The following MICAL2 variants were observed in gnomAD, a reference collection of about 807,000 sequenced individuals.
The protein encoded by MICAL2 is [F-actin]-monooxygenase MICAL2.
In MICAL2, 77 loss-of-function variants were observed where a neutral mutation model predicts 127.3. That is an observed-to-expected ratio of 0.60 (90% CI 0.50 to 0.73). The LOEUF is 0.73. Ranked by LOEUF, MICAL2 falls within the 30% of genes least tolerant of loss-of-function variation. MICAL2 has a pLI of 0.00. For missense variants in MICAL2, 1,351 were observed against 1,434.4 expected, an observed-to-expected ratio of 0.94 and a Z score of 0.94; for synonymous variants, 570 against 551.1, an observed-to-expected ratio of 1.03 and a Z score of -0.48.
At chr11:12,257,495 CA>C (rs551454579) in intron 24 of MICAL2, among the ~76,000 whole-genome samples, 67 of 152,306 alleles carry the variant, frequency 4.4e-4, no homozygotes, top group Non-Finnish European at 7.9e-4. Context: ...TAATTTTCAG[CA>C]CTTGACATTT....
chr11:12,251,544 A>C (rs1274714776), intron 22 of MICAL2, among the ~76,000 whole-genome samples: 2 of 145,020 alleles, frequency 1.4e-5, no homozygotes, highest in African/African-American at 5.1e-5. Flanking sequence ...GAGACCCAGT[A>C]CTGATTTCCT....
intron 2 of MICAL2, among the ~76,000 whole-genome samples, chr11:12,151,487 C>T (rs1853572330): frequency 6.6e-6 from 1 of 152,104 alleles, no homozygotes; most frequent in South Asian, 2.1e-4. Context: ...AGGGTAATGC[C>T]TCCTGCCTAA....
chr11:12,318,703 A>C (rs1864258457), intron 29 of MICAL2, among the ~76,000 whole-genome samples: 1 of 152,232 alleles, frequency 6.6e-6, no homozygotes, highest in South Asian at 2.1e-4. Flanking sequence ...CCTGATATTC[A>C]GTAATCAGAG....
chr11:12,266,122 T>C (rs1485330691), downstream of MICAL2, among the ~76,000 whole-genome samples: 2 of 151,722 alleles, frequency 1.3e-5, no homozygotes, highest in African/African-American at 4.8e-5. Context: ...AAAAAGAAAA[T>C]AATAAAAATT....
At chr11:12,285,451 G>T (rs879883538) in intron 2 of MICAL2, among the ~76,000 whole-genome samples, 2 of 152,194 alleles carry the variant, frequency 1.3e-5, no homozygotes, top group Admixed American at 1.3e-4. Context: ...TCTGGGGAAA[G>T]GGCTGTTATC....
intron 1 of MICAL2, among the ~76,000 whole-genome samples, chr11:12,277,374 A>G (rs1125742): frequency 0.28 from 43,030 of 151,996 alleles, 7,212 homozygotes; most frequent in East Asian, 0.7. Context: ...CAAGTGGGGA[A>G]TAGGCTGCTC....
chr11:12,290,163 G>T (rs1863878605), downstream of MICAL2, among the ~76,000 whole-genome samples: 1 of 152,226 alleles, frequency 6.6e-6, no homozygotes, highest in South Asian at 2.1e-4. Context: ...CTCGGCCTGA[G>T]CTGGGGCTTT....
intron 32 of MICAL2, among the ~76,000 whole-genome samples, chr11:12,334,332 T>G (rs919733772): frequency 2.6e-5 from 4 of 152,320 alleles, no homozygotes; most frequent in African/African-American, 9.6e-5. Context: ...GTAAATGTTG[T>G]GTAAATAGTT....
At chr11:12,314,849 A>T (rs1334556641) in intron 29 of MICAL2, among the ~76,000 whole-genome samples, 1 of 151,974 alleles carries the variant, frequency 6.6e-6, no homozygotes, top group East Asian at 1.9e-4. Context: ...TATATTTTAA[A>T]TCAATACATA....
intron 15 of MICAL2, among the ~76,000 whole-genome samples, chr11:12,234,402 G>A (rs1265787080): frequency 1.3e-5 from 2 of 152,164 alleles, no homozygotes; most frequent in Non-Finnish European, 2.9e-5. Flanking sequence ...GGGCTGGCAA[G>A]AGTAGCATTC....
At chr11:12,165,006 G>A (rs1855306995) in intron 3 of MICAL2, among the ~76,000 whole-genome samples, 1 of 152,028 alleles carries the variant, frequency 6.6e-6, no homozygotes, top group African/African-American at 2.4e-5. Flanking sequence ...AGGTGTGGTG[G>A]CAAGTGCCTG....
chr11:12,299,666 C>A (rs1035092835), intron 29 of MICAL2, among the ~76,000 whole-genome samples: 1 of 152,030 alleles, frequency 6.6e-6, no homozygotes, highest in Non-Finnish European at 1.5e-5. Flanking sequence ...TTTGCATAAA[C>A]GTTTTTATTG....
At chr11:12,235,871 G>A (rs1858979707) in intron 15 of MICAL2, among the ~76,000 whole-genome samples, 1 of 152,162 alleles carries the variant, frequency 6.6e-6, no homozygotes, top group African/African-American at 2.4e-5. Context: ...TATGTCACCG[G>A]GATTCTTTTT....
chr11:12,345,379 A>G (rs1938938025), intron 32 of MICAL2, among the ~76,000 whole-genome samples: 1 of 152,202 alleles, frequency 6.6e-6, no homozygotes, highest in Admixed American at 6.5e-5. Flanking sequence ...GGATGACACC[A>G]GTTTGGTGCA....
chr11:12,239,565 A>T lies in MICAL2; in HGVS notation c.2194A>T (p.Asn732Tyr). 2 of 1,614,206 alleles carry T rather than the reference A, an allele frequency of 1.2e-6. No homozygotes were observed. The highest frequency in any genetic ancestry group is 1.7e-6 in the Non-Finnish European group (2 of 1,180,032). Residue 732 changes from asparagine to tyrosine, a missense_variant, in exon 17 of 28, where the codon AAC becomes TAC. Coordinates refer to ENST00000683283, the MANE Select transcript of MICAL2 (RefSeq NM_001282663.2). ...LLAKFEESTRNPSLMKQERRV... is the reference protein window; with the variant it reads ...LLAKFEESTRYPSLMKQERRV... ...GGCCAAGTTTGAGGAGAGCACTCGG[A>T]ACCCCTCACTCATGAAGCAGGTGAG...
At chr11:12,204,535 G>A in intron 4 of MICAL2, 78 bp downstream of exon 4, 1 of 1,429,210 alleles carries the variant, frequency 7.0e-7, no homozygotes, top group South Asian at 1.2e-5. Context: ...AGGTCTAGGA[G>A]TCCCCAGCTT....
chr11:12,186,547 AT>A lies in MICAL2; in HGVS notation c.265-17693del, dbSNP rs35982816. ...GCGCCTAGACAATTTTTAAAAAAAGATTTTTTTTTTAAAGATGCATGGTCTC... is the reference window on the plus strand; with the variant it reads ...GCGCCTAGACAATTTTTAAAAAAAGATTTTTTTTTAAAGATGCATGGTCTC... On this transcript the variant is annotated intron_variant, in intron 3 of 27. Coordinates refer to ENST00000683283, the MANE Select transcript of MICAL2 (RefSeq NM_001282663.2). Among the ~76,000 whole-genome samples the A allele has an allele frequency of 5.4e-3, 814 of 151,044 alleles. 9 individuals carry two copies. The highest frequency in any genetic ancestry group is 0.018 in the African/African-American group (748 of 41,194).
intron 19 of MICAL2, 110 bp from the exon 20 acceptor site, chr11:12,242,561 G>C: frequency 1.4e-6 from 2 of 1,426,016 alleles, no homozygotes; most frequent in Non-Finnish European, 2.0e-6. Context: ...GCTGTGTGTG[G>C]TGAGCAGGCA....
intron 3 of MICAL2, among the ~76,000 whole-genome samples, chr11:12,184,364 C>T (rs528695674): frequency 6.6e-5 from 10 of 152,314 alleles, no homozygotes; most frequent in East Asian, 1.9e-4. Context: ...TGGTTAAGTA[C>T]GGGCATCTGT....
Sources: allele counts gnomAD v4.1 joint callset (sites outside exome capture counted in the v4.1 genomes callset), GRCh38; gene constraint gnomAD v4.1.1; transcripts MANE v1.5; gene names NCBI Gene and HGNC (gene_info 2026-07-23, HGNC 2026-07-21).